The following CCSER1 variants were observed in gnomAD, a reference collection of about 807,000 sequenced individuals.
CCSER1 encodes the protein serine-rich coiled-coil domain-containing protein 1.
In CCSER1, 41 loss-of-function variants were observed where a neutral mutation model predicts 82.0. The observed-to-expected ratio is 0.50, with a 90% CI of 0.39 to 0.65. CCSER1 has a LOEUF of 0.65. Among genes scored for constraint, CCSER1 ranks in the 30% least tolerant of loss-of-function variants. The pLI is 0.00. For missense variants in CCSER1, 1,119 were observed against 1,064.2 expected (o/e 1.05, Z -0.72); for synonymous variants, 414 against 383.9 (o/e 1.08, Z -0.92).
chr4:90,755,293 C>T (rs1749324291), intron 7 of CCSER1, among the ~76,000 whole-genome samples: 1 of 152,118 alleles, frequency 6.6e-6, no homozygotes, highest in Non-Finnish European at 1.5e-5. Context: ...TTTTGTGGAA[C>T]TTATTCTACT....
chr4:91,138,651 C>G (rs1728715905), intron 10 of CCSER1, among the ~76,000 whole-genome samples: 1 of 111,498 alleles, frequency 9.0e-6, no homozygotes, highest in Non-Finnish European at 1.8e-5. Context: ...GAACAGGCAA[C>G]CTACAACATG....
intron 10 of CCSER1, among the ~76,000 whole-genome samples, chr4:91,269,991 A>G (rs985688482): frequency 1.3e-5 from 2 of 152,204 alleles, no homozygotes; most frequent in African/African-American, 4.8e-5. Flanking sequence ...CTGAATTGAA[A>G]AGAAGCTATT....
At position 90,864,577 on chromosome 4, in the gene CCSER1, C is replaced by T. The variant is rs189913724; in HGVS notation, c.2094+48732C>T. 3.2e-4 allele frequency among the ~76,000 whole-genome samples: 49 copies of T among 152,114 alleles called. No individual in the cohort carries two copies. The East Asian group carries it at 8.4e-3, about 26-fold the overall frequency. On this transcript the variant is annotated intron_variant, in intron 8 of 10. Transcript: ENST00000509176. The stretch of plus-strand genomic sequence containing the variant: ...CCCCAATCTTGGACTTCCTAGCCTT[C>T]AGTACCATTCAGCCAAGTAAACTTC...
chr4:90,660,080 G>A (rs1730474107), intron 6 of CCSER1, among the ~76,000 whole-genome samples: 1 of 151,702 alleles, frequency 6.6e-6, no homozygotes, highest in Non-Finnish European at 1.5e-5. Context: ...CACTGTTGGT[G>A]GAAATGTTCA....
rs78479336 is a variant in CCSER1, at chr4:91,010,349, G to A, written c.2173-75601G>A. ...TTGCTTCTTTTAAAATTCCCTGTTT[G>A]TCTTTACTTTTTGACAGTTTAATTA... On this transcript the variant is annotated intron_variant, in intron 9 of 10. Transcript: ENST00000509176. Among the ~76,000 whole-genome samples the A allele has an allele frequency of 1.2e-3, 177 of 152,234 alleles. 5 individuals carry two copies. The East Asian group carries it at 0.032, about 27-fold the overall frequency.
intron 1 of CCSER1, among the ~76,000 whole-genome samples, chr4:90,304,210 C>G (rs1733758955): frequency 1.3e-5 from 2 of 152,198 alleles, no homozygotes; most frequent in South Asian, 2.1e-4. Context: ...GAACTGTAAA[C>G]TAGTTCAACC....
chr4:90,403,736 A>C (rs1006461365), intron 4 of CCSER1, among the ~76,000 whole-genome samples: 5 of 152,152 alleles, frequency 3.3e-5, no homozygotes, highest in Non-Finnish European at 7.4e-5. Context: ...ATGCATATGA[A>C]TTTTTGGCTA....
chr4:90,774,846 G>A (rs911504665), intron 7 of CCSER1, among the ~76,000 whole-genome samples: 4 of 152,016 alleles, frequency 2.6e-5, no homozygotes, highest in African/African-American at 7.2e-5. Context: ...ATTATAATAA[G>A]CTCATTAATC....
intron 1 of CCSER1, among the ~76,000 whole-genome samples, chr4:90,157,336 C>G (rs530494051): frequency 7.3e-4 from 111 of 152,304 alleles, no homozygotes; most frequent in Admixed American, 4.1e-3. Context: ...TTTGGTGAAT[C>G]TGACAATTAT....
intron 10 of CCSER1, among the ~76,000 whole-genome samples, chr4:91,467,492 T>C (rs1200716256): frequency 6.6e-6 from 1 of 152,098 alleles, no homozygotes; most frequent in African/African-American, 2.4e-5. Context: ...AATGCCAAAA[T>C]AGACAAATGG....
At chr4:91,165,458 T>G (rs1161473755) in intron 10 of CCSER1, among the ~76,000 whole-genome samples, 1 of 152,184 alleles carries the variant, frequency 6.6e-6, no homozygotes, top group Non-Finnish European at 1.5e-5. Context: ...ACTGCTCTCT[T>G]CAGAACTGTC....
At position 90,384,704 on chromosome 4, in the gene CCSER1, A is replaced by T. The variant is rs537860768; in HGVS notation, c.1510-15332A>T. On this transcript the variant is annotated intron_variant, in intron 3 of 10. Transcript: ENST00000509176. ...GTCATCCAAGGCTTCTCTATGCCCCACTAATGGACCAGGCTTACACACACT... is the reference window on the plus strand; with the variant it reads ...GTCATCCAAGGCTTCTCTATGCCCCTCTAATGGACCAGGCTTACACACACT... 2.6e-5 allele frequency among the ~76,000 whole-genome samples: 4 copies of T among 152,204 alleles called. No homozygotes were observed. The South Asian group carries it at 8.3e-4, about 32-fold the overall frequency.
At chr4:90,233,564 G>A (rs541579131) in intron 1 of CCSER1, among the ~76,000 whole-genome samples, 32 of 151,556 alleles carry the variant, frequency 2.1e-4, no homozygotes, top group African/African-American at 7.8e-4. Context: ...CATGGCACAT[G>A]TATACATATG....
chr4:90,296,106 C>G (rs778016614), intron 1 of CCSER1, among the ~76,000 whole-genome samples: 3 of 152,012 alleles, frequency 2.0e-5, no homozygotes, highest in Non-Finnish European at 2.9e-5. Context: ...CACCGCTCAA[C>G]AAATTTATCA....
At chr4:91,476,155 C>T (rs1757582249) in intron 10 of CCSER1, among the ~76,000 whole-genome samples, 2 of 151,722 alleles carry the variant, frequency 1.3e-5, no homozygotes, top group Admixed American at 1.3e-4. Flanking sequence ...GATACATATT[C>T]ATCAGTGGGA....
intron 1 of CCSER1, among the ~76,000 whole-genome samples, chr4:90,249,991 C>T (rs1439890129): frequency 6.6e-6 from 1 of 152,000 alleles, no homozygotes; most frequent in Non-Finnish European, 1.5e-5. Flanking sequence ...TCCTTAATGG[C>T]TAATTATGTT....
chr4:90,986,286 T>C (rs1391243202), intron 9 of CCSER1, among the ~76,000 whole-genome samples: 1 of 151,808 alleles, frequency 6.6e-6, no homozygotes, highest in Non-Finnish European at 1.5e-5. Context: ...ATGTTTCATA[T>C]TCAAAACTAG....
At chr4:90,487,375 A>G (rs867147441) in intron 5 of CCSER1, among the ~76,000 whole-genome samples, 8 of 152,068 alleles carry the variant, frequency 5.3e-5, no homozygotes, top group African/African-American at 1.9e-4. Context: ...CAGAATATAT[A>G]TGTCACTTTG....
At chr4:91,524,320 T>C (rs1760662166) in intron 10 of CCSER1, among the ~76,000 whole-genome samples, 1 of 152,204 alleles carries the variant, frequency 6.6e-6, no homozygotes, top group Non-Finnish European at 1.5e-5. Context: ...TTTGTTTTTA[T>C]GAATGCTGTA....
Sources: gnomAD v4.1 joint callset for allele counts (sites outside exome capture counted in the v4.1 genomes callset) on GRCh38, gnomAD v4.1.1 for gene constraint, MANE v1.5 for transcripts, NCBI Gene and HGNC (gene_info 2026-07-23, HGNC 2026-07-21) for gene names.